Variants in ARSJ observed in about 807,000 individuals in gnomAD.
ARSJ encodes arylsulfatase J.
Under a neutral mutation model 35.9 loss-of-function variants are expected in ARSJ, and 26 were observed. The observed-to-expected ratio is 0.72, with a 90% CI of 0.53 to 1.00. The LOEUF is 1.00. Ranked by LOEUF, ARSJ falls within the 50% of genes least tolerant of loss-of-function variation. The pLI is 0.00. For missense variants in ARSJ, 667 were observed against 723.6 expected (o/e 0.92, Z 0.90); for synonymous variants, 294 against 267.6 (o/e 1.10, Z -0.96).
At chr4:113,970,127 G>T (rs1727149747) in intron 1 of ARSJ, among the ~76,000 whole-genome samples, 3 of 152,196 alleles carry the variant, frequency 2.0e-5, no homozygotes, top group Admixed American at 6.5e-5. Flanking sequence ...TACATTCCAA[G>T]GAGTGAAAAC....
intron 1 of ARSJ, among the ~76,000 whole-genome samples, chr4:113,932,808 C>G (rs1562352255): frequency 6.6e-6 from 1 of 151,686 alleles, no homozygotes; most frequent in South Asian, 2.1e-4. Context: ...AATAGAAAAG[C>G]AAGAACAAAT....
intron 1 of ARSJ, among the ~76,000 whole-genome samples, chr4:113,947,729 G>A (rs1056446204): frequency 9.9e-5 from 15 of 152,026 alleles, no homozygotes; most frequent in Non-Finnish European, 1.9e-4. Context: ...TATATGGACT[G>A]TATTTTATAA....
rs914185034 is a variant in ARSJ at position 113,941,581 on chromosome 4, T to C, written c.398+36856A>G. 2.6e-5 allele frequency among the ~76,000 whole-genome samples: 4 copies of C among 152,118 alleles called. No individual in the cohort carries two copies. The East Asian group carries it at 7.8e-4, about 30-fold the overall frequency. On this transcript the variant is annotated intron_variant, in intron 1 of 1. Transcript: ENST00000315366. Reference sequence around the variant, plus strand: ...TAATAATTTGAGATAGATGTGCTGTTAAAAATTACAAAATGTCATTTAATT... The same window carrying C: ...TAATAATTTGAGATAGATGTGCTGTCAAAAATTACAAAATGTCATTTAATT...
intron 1 of ARSJ, among the ~76,000 whole-genome samples, chr4:113,974,443 G>A (rs1418353473): frequency 2.0e-5 from 3 of 151,862 alleles, no homozygotes; most frequent in Non-Finnish European, 1.5e-5. Flanking sequence ...TCTAACAAAG[G>A]AATAGAATAT....
chr4:113,960,840 G>A (rs1726499873), intron 1 of ARSJ, among the ~76,000 whole-genome samples: 1 of 152,000 alleles, frequency 6.6e-6, no homozygotes, highest in African/African-American at 2.4e-5. Flanking sequence ...TGGCAGAAGT[G>A]CCCCGAGCCT....
At chr4:113,922,863 T>C (rs1295272117) in intron 1 of ARSJ, among the ~76,000 whole-genome samples, 1 of 152,200 alleles carries the variant, frequency 6.6e-6, no homozygotes, top group Admixed American at 6.5e-5. Context: ...TAATTTTATA[T>C]GTCAACTTGG....
chr4:113,928,308 G>A (rs984300251), intron 1 of ARSJ, among the ~76,000 whole-genome samples: 11 of 152,208 alleles, frequency 7.2e-5, no homozygotes, highest in Non-Finnish European at 1.2e-4. Flanking sequence ...ATAAAATGTC[G>A]GTAATATAGT....
chr4:113,927,316 T>G (rs1463495695), intron 1 of ARSJ, among the ~76,000 whole-genome samples: 1 of 152,186 alleles, frequency 6.6e-6, no homozygotes, highest in African/African-American at 2.4e-5. Flanking sequence ...GAATTTTAGT[T>G]GGATTTATTT....
chr4:113,961,662 A>G (rs1198879056), intron 1 of ARSJ, among the ~76,000 whole-genome samples: 1 of 152,152 alleles, frequency 6.6e-6, no homozygotes, highest in Non-Finnish European at 1.5e-5. Context: ...ATAAATGACA[A>G]TGTTCTATAA....
At chr4:113,960,989 A>G (rs1484217504) in intron 1 of ARSJ, among the ~76,000 whole-genome samples, 1 of 152,148 alleles carries the variant, frequency 6.6e-6, no homozygotes, top group Non-Finnish European at 1.5e-5. Context: ...GAAAAATTAT[A>G]GAATAAGTTT....
At chr4:113,945,107 C>T (rs1359928414) in intron 1 of ARSJ, among the ~76,000 whole-genome samples, 1 of 151,936 alleles carries the variant, frequency 6.6e-6, no homozygotes, top group Non-Finnish European at 1.5e-5. Flanking sequence ...CAAATAGAAA[C>T]TTATATGCTC....
At chr4:113,924,056 AATATATATAAATATAT>A (rs1723866431) in intron 1 of ARSJ, among the ~76,000 whole-genome samples, 13 of 91,670 alleles carry the variant, frequency 1.4e-4, no homozygotes, top group African/African-American at 5.3e-4. Context: ...AATATATATA[AATATATATAAATATAT>A]ATAAATATAT....
At position 113,939,547 on chromosome 4, in the gene ARSJ, T is replaced by C. The variant is rs1725005870; in HGVS notation, c.399-35872A>G. Among the ~76,000 whole-genome samples, 6 of 152,296 alleles carry C rather than the reference T, an allele frequency of 3.9e-5. No homozygotes were observed. In the South Asian group the frequency reaches 1.2e-3, roughly 32 times the overall value. On this transcript the variant is annotated intron_variant, in intron 1 of 1. Coordinates refer to ENST00000315366, the MANE Select transcript of ARSJ (RefSeq NM_024590.4). Reference sequence around the variant, plus strand: ...CACCAACAGTGTAAAAGTGTTCCTGTTTCTCCACATCCTCTCCAGCACCCG... The same window carrying C: ...CACCAACAGTGTAAAAGTGTTCCTGCTTCTCCACATCCTCTCCAGCACCCG...
chr4:113,914,433 T>C (rs1230045020), intron 1 of ARSJ, among the ~76,000 whole-genome samples: 1 of 151,942 alleles, frequency 6.6e-6, no homozygotes, highest in African/African-American at 2.4e-5. Context: ...TTATCAAAAG[T>C]TTCATATTTA....
intron 1 of ARSJ, chr4:113,970,481 C>T (rs530276827): frequency 5.3e-5 from 8 of 152,184 alleles, no homozygotes; most frequent in African/African-American, 1.7e-4. Flanking sequence ...TTACCTTCAG[C>T]GTGAATGTGA....
intron 1 of ARSJ, among the ~76,000 whole-genome samples, chr4:113,925,957 A>G (rs1203012074): frequency 6.6e-6 from 1 of 152,112 alleles, no homozygotes; most frequent in Admixed American, 6.6e-5. Flanking sequence ...GTGGAAGTCC[A>G]TGTTGTGGAG....
At chr4:113,941,356 C>T (rs932280808) in intron 1 of ARSJ, among the ~76,000 whole-genome samples, 9 of 152,046 alleles carry the variant, frequency 5.9e-5, no homozygotes, top group African/African-American at 1.2e-4. Flanking sequence ...TTTATATTCA[C>T]GTTTTGATTC....
intron 1 of ARSJ, chr4:113,970,433 T>C (rs1727168745): frequency 6.6e-6 from 1 of 152,244 alleles, no homozygotes; most frequent in African/African-American, 2.4e-5. Context: ...TGGACATTTG[T>C]GAAATATTTT....
At chr4:113,949,662 G>A (rs763190639) in intron 1 of ARSJ, among the ~76,000 whole-genome samples, 5 of 152,074 alleles carry the variant, frequency 3.3e-5, no homozygotes, top group Middle Eastern at 3.4e-3. Context: ...GTGTTATTGC[G>A]GATTTAGTCC....
Sources: allele counts gnomAD v4.1 joint callset (sites outside exome capture counted in the v4.1 genomes callset), GRCh38; gene constraint gnomAD v4.1.1; transcripts MANE v1.5; gene names NCBI Gene and HGNC (gene_info 2026-07-23, HGNC 2026-07-21).